The following GID8 variants were observed in gnomAD, a reference collection of about 807,000 sequenced individuals.
GID8 encodes glucose-induced degradation protein 8 homolog.
A neutral mutation model predicts 27.4 loss-of-function variants in GID8; 6 were observed. The observed-to-expected ratio is 0.22, with a 90% CI of 0.12 to 0.43. GID8 has a LOEUF of 0.43. Ranked by LOEUF, GID8 falls within the 20% of genes least tolerant of loss-of-function variation. GID8 has a pLI of 1.00. For missense variants in GID8, 173 were observed against 287.6 expected, an observed-to-expected ratio of 0.60 and a Z score of 2.88; for synonymous variants, 112 against 109.0, an observed-to-expected ratio of 1.03 and a Z score of -0.17.
At position 62,945,357 on chromosome 20, in the gene GID8, T is replaced by G. The variant is rs80205989; in HGVS notation, c.*445T>G. On this transcript the variant is annotated 3_prime_UTR_variant, in exon 5 of 5. Transcript: ENST00000266069. ...TTTCCTTACCCCTGTGGTTTTTGTG[T>G]TTTTTTTTTTTTCTTTTTCCATAGG... is the stretch of plus-strand genomic sequence containing the variant. 2.6e-4 allele frequency: 93 copies of G among 357,910 alleles called. No individual in the cohort carries two copies. The South Asian group carries it at 9.3e-3, about 36-fold the overall frequency. 22.2% of individuals were successfully genotyped at this position (357,910 alleles called of 1,614,324 possible).
intron 1 of GID8, among the ~76,000 whole-genome samples, chr20:62,939,845 T>C (rs550840590): frequency 1.3e-5 from 2 of 152,318 alleles, no homozygotes; most frequent in East Asian, 1.9e-4. Flanking sequence ...TGAAACACTT[T>C]AGCAGTACTT....
At position 62,943,457 on chromosome 20, in the gene GID8, G is replaced by C; in HGVS notation, c.316-38G>C. 6.3e-7 allele frequency: 1 copy of C among 1,588,864 alleles called. No homozygotes were observed. The highest frequency in any genetic ancestry group is 8.6e-7 in the Non-Finnish European group (1 of 1,159,646). ...CCACCTGCCCTAAGTCCCTGGCCTG[G>C]GTGTGTGGGGGTCAAGCTTGTCTGT... is the stretch of plus-strand genomic sequence containing the variant. On this transcript the variant is annotated intron_variant, in intron 3 of 4. Transcript: ENST00000266069. The surrounding 1 kb of genome is among the most constrained non-coding windows in gnomAD (Gnocchi z 4.7).
chr20:62,941,808 A>G (rs567176921), intron 2 of GID8, among the ~76,000 whole-genome samples, 188 bp downstream of exon 2: 5 of 152,264 alleles, frequency 3.3e-5, no homozygotes, highest in African/African-American at 7.2e-5. Context: ...AGATTTTTCC[A>G]GGTCTCTGAG....
Position 62,938,204 on chromosome 20 carries a change from C to T in GID8, c.-62C>T, listed in dbSNP as rs2065414243. 1 of 182,790 alleles carries T rather than the reference C, an allele frequency of 5.5e-6. No individual in the cohort carries two copies. The allele number at this position is 182,790 out of a possible 1,614,324, so 11.3% of individuals were successfully genotyped here. A position where few individuals can be genotyped will look rare whatever the true frequency, so the allele number is the denominator to read the frequency against. On this transcript the variant is annotated 5_prime_UTR_variant, in exon 1 of 5. Coordinates refer to ENST00000266069, the MANE Select transcript of GID8 (RefSeq NM_017896.3). Reference sequence around the variant, plus strand: ...CCTCTCCCCAGCCCAGGAGAGGCTGCGGAGCCGCAGCCGCCCAGACCGCGC... The same window carrying T: ...CCTCTCCCCAGCCCAGGAGAGGCTGTGGAGCCGCAGCCGCCCAGACCGCGC...
chr20:62,939,052 A>G (rs952553673), intron 1 of GID8, among the ~76,000 whole-genome samples: 15 of 152,144 alleles, frequency 9.9e-5, no homozygotes, highest in Non-Finnish European at 1.8e-4. Flanking sequence ...CAGGAGGTCG[A>G]GGCTGCGGTG....
At chr20:62,939,907 G>C (rs374922784) in intron 1 of GID8, among the ~76,000 whole-genome samples, 12 of 152,168 alleles carry the variant, frequency 7.9e-5, no homozygotes, top group African/African-American at 2.7e-4. Flanking sequence ...GAGAAAGACA[G>C]AGTGGACGGT....
intron 4 of GID8, among the ~76,000 whole-genome samples, chr20:62,944,507 G>C (rs1329768733): frequency 6.6e-6 from 1 of 152,148 alleles, no homozygotes; most frequent in Admixed American, 6.5e-5. Context: ...CTCTCTCCCA[G>C]TCCCCTCAGC....
chr20:62,944,789 A>C lies in GID8; in HGVS notation c.564A>C (p.Ser188=). The change falls in exon 5 of 5, where the codon TCA becomes TCC. Residue 188 remains serine, a synonymous_variant. Coordinates refer to ENST00000266069, the MANE Select transcript of GID8 (RefSeq NM_017896.3). ...TGCTAGATTATGAAAATCGCGAGTC[A>C]ACACCCAAACTGGCAAAATTACTGA... ...QAVLDYENRE[S]TPKLAKLLKL... 6.2e-7 allele frequency: 1 copy of C among 1,614,086 alleles called. No individual in the cohort carries two copies. Among genetic ancestry groups the C allele is most frequent in the East Asian group, 2.2e-5 (1 of 44,902 alleles).
intron 1 of GID8, 104 bp from the exon 2 acceptor site, chr20:62,941,387 C>A: frequency 1.5e-6 from 1 of 684,738 alleles, no homozygotes; most frequent in Non-Finnish European, 2.7e-6. Flanking sequence ...TCTTTCCGTA[C>A]ATGCTCAGTG....
At chr20:62,938,406 G>A (rs1282831397) in intron 1 of GID8, among the ~76,000 whole-genome samples, 153 bp downstream of exon 1, 1 of 151,810 alleles carries the variant, frequency 6.6e-6, no homozygotes, top group Admixed American at 6.6e-5. Flanking sequence ...GGGGCGCGCA[G>A]TGAGTCCAGG....
At position 62,943,728 on chromosome 20, in the gene GID8, C is replaced by G; in HGVS notation, c.513+36C>G. 1.3e-6 allele frequency: 2 copies of G among 1,533,578 alleles called. No individual in the cohort carries two copies. Among genetic ancestry groups the G allele is most frequent in the East Asian group, 2.3e-5 (1 of 44,322 alleles). The allele number at this position is 1,533,578 out of a possible 1,614,324, so 95.0% of individuals were successfully genotyped here. On this transcript the variant is annotated intron_variant, in intron 4 of 4. Coordinates refer to ENST00000266069, the MANE Select transcript of GID8 (RefSeq NM_017896.3). This position sits in a 1 kb window ranked among gnomAD's most constrained non-coding sequence, Gnocchi z 4.7. ...CCAGAGGGAAGCTTTCTTCCATTCCCCATGTGCTCTGAGGGGGCTTCGTGA... is the reference window on the plus strand; with the variant it reads ...CCAGAGGGAAGCTTTCTTCCATTCCGCATGTGCTCTGAGGGGGCTTCGTGA...
chr20:62,943,463 TG>T lies in GID8; in HGVS notation c.316-27del, dbSNP rs772878544. 6.2e-7 allele frequency: 1 copy of T among 1,600,308 alleles called. No individual in the cohort carries two copies. Among genetic ancestry groups the T allele is most frequent in the African/African-American group, 1.3e-5 (1 of 74,804 alleles). Reference sequence around the variant, plus strand: ...GCCCTAAGTCCCTGGCCTGGGTGTGTGGGGGTCAAGCTTGTCTGTCTCTGCC... The same window carrying T: ...GCCCTAAGTCCCTGGCCTGGGTGTGTGGGGTCAAGCTTGTCTGTCTCTGCC... On this transcript the variant is annotated intron_variant, in intron 3 of 4. Coordinates refer to ENST00000266069, the MANE Select transcript of GID8 (RefSeq NM_017896.3). This position sits in a 1 kb window ranked among gnomAD's most constrained non-coding sequence, Gnocchi z 4.7.
intron 4 of GID8, among the ~76,000 whole-genome samples, 188 bp from the exon 5 acceptor site, chr20:62,944,551 G>A (rs2065457253): frequency 6.6e-6 from 1 of 152,202 alleles, no homozygotes; most frequent in Non-Finnish European, 1.5e-5. Flanking sequence ...GCACTTAACT[G>A]CCATCGAGGT....
At chr20:62,942,368 C>T (rs1422530404) in intron 2 of GID8, among the ~76,000 whole-genome samples, 2 of 152,142 alleles carry the variant, frequency 1.3e-5, no homozygotes, top group Admixed American at 6.5e-5. Flanking sequence ...GGGAGGATCA[C>T]TTAAGCCCGG....
At chr20:62,944,291 C>T (rs1601072738) in intron 4 of GID8, among the ~76,000 whole-genome samples, 4 of 152,298 alleles carry the variant, frequency 2.6e-5, no homozygotes, top group Admixed American at 2.6e-4. Flanking sequence ...TGAAACTTTT[C>T]TCTCCTCGCT....
chr20:62,939,856 C>A (rs1054866), intron 1 of GID8, among the ~76,000 whole-genome samples: 91,754 of 152,010 alleles, frequency 0.6, 29,571 homozygotes, highest in Non-Finnish European at 0.7. Flanking sequence ...AGCAGTACTT[C>A]GTATAAAGTA....
At chr20:62,939,857 G>A (rs1021957450) in intron 1 of GID8, among the ~76,000 whole-genome samples, 15 of 152,122 alleles carry the variant, frequency 9.9e-5, no homozygotes, top group African/African-American at 3.6e-4. Flanking sequence ...GCAGTACTTC[G>A]TATAAAGTAG....
intron 2 of GID8, among the ~76,000 whole-genome samples, chr20:62,942,158 G>C (rs926117494): frequency 2.6e-5 from 4 of 152,158 alleles, no homozygotes; most frequent in Admixed American, 2.6e-4. Flanking sequence ...ATTAATCTCT[G>C]TGAAACTTTT....
In GID8 at chr20:62,939,579, T is replaced by C. The variant is rs73918872; in HGVS notation, c.-13+1326T>C. Reference sequence around the variant, plus strand: ...TTCTTCTTCCAGTCCTTCCTCCTTATTTGTGGCCCCATCTTGCAGGGCCTC... The same window carrying C: ...TTCTTCTTCCAGTCCTTCCTCCTTACTTGTGGCCCCATCTTGCAGGGCCTC... On this transcript the variant is annotated intron_variant, in intron 1 of 4. Transcript: ENST00000266069. Among the ~76,000 whole-genome samples the C allele has an allele frequency of 2.8e-3, 434 of 152,312 alleles. 1 individual carries two copies. The highest frequency in any genetic ancestry group is 9.7e-3 in the African/African-American group (403 of 41,564).
Sources: allele counts gnomAD v4.1 joint callset (sites outside exome capture counted in the v4.1 genomes callset), GRCh38; gene constraint gnomAD v4.1.1; non-coding constraint Gnocchi (gnomAD v3.1); transcripts MANE v1.5; gene names NCBI Gene and HGNC (gene_info 2026-07-23, HGNC 2026-07-21).